The following FILIP1L variants were observed in gnomAD, a reference collection of about 807,000 sequenced individuals.
The protein encoded by FILIP1L is filamin A-interacting protein 1-like.
In FILIP1L, 55 loss-of-function variants were observed where a neutral mutation model predicts 96.6. The observed-to-expected ratio is 0.57, with a 90% CI of 0.46 to 0.71. The LOEUF (loss-of-function observed/expected upper bound fraction) is 0.71. FILIP1L is among the 30% of genes least tolerant of loss of function. The probability of loss-of-function intolerance (pLI) is 0.00; values close to 1 mark genes in which losing one functional copy is unlikely to be tolerated. For synonymous variants in FILIP1L, 467 were observed against 473.9 expected, an observed-to-expected ratio of 0.99 and a Z score of 0.19; for missense variants, 1,304 against 1,321.2, an observed-to-expected ratio of 0.99 and a Z score of 0.20.
Position 99,993,452 on chromosome 3 carries a change from A to G in FILIP1L, c.-10-62422T>C, listed in dbSNP as rs377079588. The stretch of plus-strand genomic sequence containing the variant: ...GAAAAATTTGTCTTCCTCTTTTCCA[A>G]TTTGAATGCCTCTTATTTCTTTCTC... On this transcript the variant is annotated intron_variant, in intron 1 of 5. Transcript: ENST00000477258. Among the ~76,000 whole-genome samples, 12 of 152,152 alleles carry G rather than the reference A, an allele frequency of 7.9e-5. No homozygotes were observed. In the East Asian group the frequency reaches 1.4e-3, roughly 17 times the overall value.
chr3:99,847,663 A>G (rs1372168199), intron 5 of FILIP1L, among the ~76,000 whole-genome samples: 1 of 152,202 alleles, frequency 6.6e-6, no homozygotes, highest in Non-Finnish European at 1.5e-5. Context: ...GCTCTTAGAG[A>G]TACTGAAATA....
chr3:100,087,341 C>T (rs1269662428), intron 1 of FILIP1L, among the ~76,000 whole-genome samples: 3 of 152,214 alleles, frequency 2.0e-5, no homozygotes, highest in Admixed American at 6.5e-5. Flanking sequence ...TCCAGTTGCT[C>T]AGCAACCTCA....
intron 1 of FILIP1L, among the ~76,000 whole-genome samples, chr3:100,111,447 T>C (rs1046622628): frequency 6.6e-6 from 1 of 152,234 alleles, no homozygotes; most frequent in African/African-American, 2.4e-5. Context: ...GGAATGGTAA[T>C]ACCTGCCTTT....
chr3:100,040,194 A>T (rs1461475542), intron 1 of FILIP1L: 1 of 152,206 alleles, frequency 6.6e-6, no homozygotes. Flanking sequence ...AATCTCTGGA[A>T]CAGGTAACCA....
chr3:99,929,715 C>G, intron 3 of FILIP1L, 141 bp downstream of exon 3: 1 of 552,968 alleles, frequency 1.8e-6, no homozygotes. Flanking sequence ...TTGAACTTGT[C>G]GTATTTATCT....
chr3:99,847,810 A>G (rs1433949798), intron 5 of FILIP1L: 1 of 308,232 alleles, frequency 3.2e-6, no homozygotes, highest in Non-Finnish European at 4.8e-6. Flanking sequence ...TAAATGGGAC[A>G]TAGGTCCTGT....
chr3:100,080,268 C>G (rs2065911177), intron 1 of FILIP1L, among the ~76,000 whole-genome samples: 1 of 152,088 alleles, frequency 6.6e-6, no homozygotes, highest in South Asian at 2.1e-4. Flanking sequence ...CAAGCATGAA[C>G]CACTGCACCC....
chr3:99,911,787 ACC>A (rs1451546904), intron 4 of FILIP1L, among the ~76,000 whole-genome samples: 1 of 151,866 alleles, frequency 6.6e-6, no homozygotes, highest in African/African-American at 2.4e-5. Flanking sequence ...TTATGTTTCC[ACC>A]TGGGCCTCAA....
intron 4 of FILIP1L, among the ~76,000 whole-genome samples, chr3:99,882,700 T>C (rs1705768060): frequency 1.3e-5 from 2 of 152,198 alleles, no homozygotes; most frequent in South Asian, 4.1e-4. Context: ...ATGTTTCTTT[T>C]GGGAAACATG....
intron 2 of FILIP1L, 44 bp from the exon 3 acceptor site, chr3:99,930,073 A>G (rs372210421): frequency 1.0e-5 from 15 of 1,488,136 alleles, no homozygotes; most frequent in East Asian, 2.4e-5. Context: ...TGTCTCTACC[A>G]GCAGTCTCAG....
At chr3:100,052,475 G>T (rs1471352568) in intron 1 of FILIP1L, among the ~76,000 whole-genome samples, 1 of 152,104 alleles carries the variant, frequency 6.6e-6, no homozygotes, top group East Asian at 1.9e-4. Context: ...TGGAGGATGG[G>T]TCTTATGGCA....
At chr3:100,064,374 G>A (rs2065625562) in intron 1 of FILIP1L, among the ~76,000 whole-genome samples, 1 of 150,746 alleles carries the variant, frequency 6.6e-6, no homozygotes, top group Non-Finnish European at 1.5e-5. Flanking sequence ...TCTTTTTCCA[G>A]CTAATCCTGA....
At chr3:100,054,268 A>C (rs1190374686) in intron 1 of FILIP1L, among the ~76,000 whole-genome samples, 16 of 152,094 alleles carry the variant, frequency 1.1e-4, no homozygotes. Context: ...GACTTGCTTG[A>C]TGGTTTTTTG....
At chr3:99,852,394 G>T (rs1434038075) in intron 4 of FILIP1L, among the ~76,000 whole-genome samples, 2 of 152,104 alleles carry the variant, frequency 1.3e-5, no homozygotes, top group Non-Finnish European at 2.9e-5. Flanking sequence ...CCTTATCACA[G>T]AACTTACTTT....
intron 4 of FILIP1L, among the ~76,000 whole-genome samples, chr3:99,863,259 A>ATGC (rs1388954594): frequency 6.6e-6 from 1 of 152,204 alleles, no homozygotes; most frequent in Non-Finnish European, 1.5e-5. Flanking sequence ...TGAGAACCTA[A>ATGC]TGCTGCTGCT....
At chr3:99,847,924 A>G (rs1943440914) in intron 5 of FILIP1L, 11 of 992,308 alleles carry the variant, frequency 1.1e-5, no homozygotes, top group Non-Finnish European at 1.2e-5. Flanking sequence ...TCAGCAAGCA[A>G]TGGTAAAAAT....
At chr3:99,978,406 G>A (rs913775009) in intron 1 of FILIP1L, among the ~76,000 whole-genome samples, 6 of 151,924 alleles carry the variant, frequency 3.9e-5, no homozygotes, top group Non-Finnish European at 7.4e-5. Context: ...ATAGATGAAT[G>A]GATAAAGAAA....
At chr3:99,957,729 G>GT in intron 1 of FILIP1L, among the ~76,000 whole-genome samples, 1 of 39,030 alleles carries the variant, frequency 2.6e-5, no homozygotes, top group South Asian at 1.1e-3. Context: ...TTTGGTGTGT[G>GT]TGTTTGTTTG....
intron 4 of FILIP1L, among the ~76,000 whole-genome samples, chr3:99,860,770 T>C (rs1944211494): frequency 6.6e-6 from 1 of 152,172 alleles, no homozygotes; most frequent in Non-Finnish European, 1.5e-5. Context: ...ACATGTAAAT[T>C]TGTACCAGGA....
Sources: allele counts gnomAD v4.1 joint callset (sites outside exome capture counted in the v4.1 genomes callset), GRCh38; gene constraint gnomAD v4.1.1; transcripts MANE v1.5; gene names NCBI Gene and HGNC (gene_info 2026-07-23, HGNC 2026-07-21).